RRAS2: variants seen among roughly 807,000 people sequenced by gnomAD.
RRAS2 encodes ras-related protein R-Ras2.
A neutral mutation model predicts 27.6 loss-of-function variants in RRAS2; 7 were observed. The observed-to-expected ratio is 0.25, with a 90% CI of 0.14 to 0.48. The LOEUF is 0.48. RRAS2 is among the 20% of genes least tolerant of loss of function. The probability of loss-of-function intolerance (pLI) is 0.99; values close to 1 mark genes in which losing one functional copy is unlikely to be tolerated. For synonymous variants in RRAS2, 86 were observed against 90.9 expected (o/e 0.95, Z 0.31); for missense variants, 178 against 256.2 (o/e 0.69, Z 2.08).
At chr11:14,279,486 G>A (rs1849461699) in intron 5 of RRAS2, 62 bp from the exon 6 acceptor site, 2 of 1,205,228 alleles carry the variant, frequency 1.7e-6, no homozygotes, top group Non-Finnish European at 2.5e-6. Flanking sequence ...TACAAACACA[G>A]GTTATTTTTT....
intron 1 of RRAS2, among the ~76,000 whole-genome samples, chr11:14,324,702 C>T (rs1848310746): frequency 6.6e-6 from 1 of 152,136 alleles, no homozygotes; most frequent in African/African-American, 2.4e-5. Context: ...TAGCAGTTGT[C>T]TCCAATATAT....
rs553665208 is a variant in RRAS2, at chr11:14,319,580, G to C, written c.109-23725C>G. 1.4e-3 allele frequency among the ~76,000 whole-genome samples: 213 copies of C among 151,134 alleles called. 2 individuals are homozygous for C. The highest frequency in any genetic ancestry group is 4.8e-3 in the African/African-American group (199 of 41,146). On this transcript the variant is annotated intron_variant, in intron 1 of 5. Coordinates refer to ENST00000256196, the MANE Select transcript of RRAS2 (RefSeq NM_012250.6). ...TCACCTTGTTAGCCAGGATGGTCTCGATCTCCTGACCTCATGATCCACCCG... is the reference window on the plus strand; with the variant it reads ...TCACCTTGTTAGCCAGGATGGTCTCCATCTCCTGACCTCATGATCCACCCG...
chr11:14,359,003 G>T lies in RRAS2; in HGVS notation c.-133C>A. The T allele has an allele frequency of 8.8e-7, 1 of 1,141,194 alleles. No individual in the cohort carries two copies. Among genetic ancestry groups the T allele is most frequent in the Non-Finnish European group, 1.1e-6 (1 of 930,986 alleles). The allele number at this position is 1,141,194 out of a possible 1,614,324, so 70.7% of individuals were successfully genotyped here. ...GCTGGGGTCCCGGGTACCGGGAGGC[G>T]TCTGGAGGGCCGGTCAGCGCGGTAG... On this transcript the variant is annotated 5_prime_UTR_variant, in exon 1 of 6. Transcript: ENST00000256196.
At chr11:14,334,119 A>G (rs1224921130) in intron 1 of RRAS2, among the ~76,000 whole-genome samples, 7 of 152,212 alleles carry the variant, frequency 4.6e-5, no homozygotes, top group Admixed American at 4.6e-4. Context: ...GAAAATAACT[A>G]CTGGGTCGAA....
chr11:14,303,045 A>G (rs1345005501), intron 1 of RRAS2, among the ~76,000 whole-genome samples: 4 of 152,206 alleles, frequency 2.6e-5, no homozygotes, highest in Non-Finnish European at 5.9e-5. Flanking sequence ...GGCCCTTAAT[A>G]AATTATAGCT....
chr11:14,354,106 T>C (rs935521080), intron 1 of RRAS2, among the ~76,000 whole-genome samples: 44 of 152,308 alleles, frequency 2.9e-4, no homozygotes, highest in African/African-American at 1.0e-3. Context: ...CAATTAACTA[T>C]TAACACAAAT....
intron 1 of RRAS2, among the ~76,000 whole-genome samples, chr11:14,343,949 T>G (rs1554953704): frequency 1.3e-5 from 2 of 151,478 alleles, no homozygotes; most frequent in African/African-American, 4.9e-5. Flanking sequence ...GAGAGCAGCC[T>G]GGGCAACAAG....
intron 1 of RRAS2, among the ~76,000 whole-genome samples, chr11:14,351,731 A>C (rs1418073368): frequency 2.9e-5 from 4 of 140,116 alleles, no homozygotes; most frequent in Non-Finnish European, 6.3e-5. Flanking sequence ...ACTCCATCTC[A>C]AAAAAAAAAA....
chr11:14,345,710 C>T (rs1848815102), intron 1 of RRAS2, among the ~76,000 whole-genome samples: 1 of 152,156 alleles, frequency 6.6e-6, no homozygotes, highest in Non-Finnish European at 1.5e-5. Context: ...AAAAGTATAC[C>T]TCTCAGCCAA....
At chr11:14,316,821 T>C (rs1310928266) in intron 1 of RRAS2, among the ~76,000 whole-genome samples, 1 of 152,214 alleles carries the variant, frequency 6.6e-6, no homozygotes, top group Non-Finnish European at 1.5e-5. Context: ...ATTGTTACAT[T>C]GTAATTCACC....
At chr11:14,311,346 TTAAAAAATAAAAA>T (rs2133983617) in intron 1 of RRAS2, among the ~76,000 whole-genome samples, 1 of 152,194 alleles carries the variant, frequency 6.6e-6, no homozygotes, top group South Asian at 2.1e-4. Context: ...GAATCTGTCT[TTAAAAAATAAAAA>T]TAAAATAAAA....
intron 1 of RRAS2, among the ~76,000 whole-genome samples, chr11:14,339,978 G>C (rs1046358141): frequency 2.6e-5 from 4 of 151,806 alleles, no homozygotes; most frequent in African/African-American, 9.7e-5. Flanking sequence ...AAATAGCCGG[G>C]TGTGGTGGTG....
chr11:14,354,144 C>T lies in RRAS2; in HGVS notation c.108+4619G>A, dbSNP rs369846173. Among the ~76,000 whole-genome samples, 11 of 152,086 alleles carry T rather than the reference C, an allele frequency of 7.2e-5. No homozygotes were observed. The East Asian group carries it at 1.9e-3, about 27-fold the overall frequency. On this transcript the variant is annotated intron_variant, in intron 1 of 5. Coordinates refer to ENST00000256196, the MANE Select transcript of RRAS2 (RefSeq NM_012250.6). Reference sequence around the variant, plus strand: ...CCTGAAATCTCTTCTCGGCTCTCTGCCCCAGGAAAAAGCAATGAAAAAGTA... The same window carrying T: ...CCTGAAATCTCTTCTCGGCTCTCTGTCCCAGGAAAAAGCAATGAAAAAGTA...
intron 4 of RRAS2, among the ~76,000 whole-genome samples, chr11:14,284,746 C>T (rs1280570021): frequency 1.3e-5 from 2 of 152,152 alleles, no homozygotes; most frequent in Non-Finnish European, 2.9e-5. Context: ...TAACACTCTT[C>T]TTTATCTCTG....
intron 1 of RRAS2, chr11:14,354,493 A>C (rs1372219113): frequency 6.6e-6 from 1 of 152,100 alleles, no homozygotes; most frequent in Non-Finnish European, 1.5e-5. Flanking sequence ...TCATCACCTG[A>C]ATACCACACA....
chr11:14,316,685 G>C lies in RRAS2; in HGVS notation c.109-20830C>G, dbSNP rs773301324. Among the ~76,000 whole-genome samples the C allele has an allele frequency of 5.8e-4, 88 of 152,368 alleles. 1 individual carries two copies. The highest frequency in any genetic ancestry group is 1.1e-3 in the Non-Finnish European group (76 of 68,042). ...TTAAGCCCAGGAGGTCAAGGCTGCAGTGAGCTATGATCGCACCACTGCACT... is the reference window on the plus strand; with the variant it reads ...TTAAGCCCAGGAGGTCAAGGCTGCACTGAGCTATGATCGCACCACTGCACT... On this transcript the variant is annotated intron_variant, in intron 1 of 5. Transcript: ENST00000256196.
chr11:14,348,332 G>T (rs1379636275), intron 1 of RRAS2, among the ~76,000 whole-genome samples: 1 of 152,060 alleles, frequency 6.6e-6, no homozygotes, highest in Non-Finnish European at 1.5e-5. Flanking sequence ...TAACTTATGA[G>T]AACATACTTT....
At chr11:14,349,460 C>T (rs913213215) in intron 1 of RRAS2, among the ~76,000 whole-genome samples, 40 of 152,064 alleles carry the variant, frequency 2.6e-4, no homozygotes, top group Non-Finnish European at 5.0e-4. Context: ...CCACACCCGG[C>T]CTATATCTAC....
intron 4 of RRAS2, among the ~76,000 whole-genome samples, chr11:14,294,227 T>C (rs1444423390): frequency 1.3e-5 from 2 of 152,236 alleles, no homozygotes; most frequent in Admixed American, 6.5e-5. Flanking sequence ...TATAAAGTCT[T>C]ATAAAATTTT....
Sources: gnomAD v4.1 joint callset for allele counts (sites outside exome capture counted in the v4.1 genomes callset) on GRCh38, gnomAD v4.1.1 for gene constraint, MANE v1.5 for transcripts, NCBI Gene and HGNC (gene_info 2026-07-23, HGNC 2026-07-21) for gene names.